Variants in WDR93 observed in about 807,000 individuals in gnomAD.
WDR93 encodes the protein WD repeat-containing protein 93.
In WDR93, 73 loss-of-function variants were observed where a neutral mutation model predicts 82.9. The ratio of observed to expected loss-of-function variants is 0.88; its 90% confidence interval spans 0.73 to 1.07. WDR93 has a LOEUF of 1.07. Among genes scored for constraint, WDR93 ranks in the 50% least tolerant of loss-of-function variants. WDR93 has a pLI of 0.00. For synonymous variants in WDR93, 283 were observed against 300.1 expected (o/e 0.94, Z 0.59); for missense variants, 738 against 826.0 (o/e 0.89, Z 1.31).
chr15:89,736,997 T>C (rs906503548), intron 14 of WDR93, among the ~76,000 whole-genome samples: 11 of 152,170 alleles, frequency 7.2e-5, no homozygotes, highest in Non-Finnish European at 1.5e-4. Flanking sequence ...TTCACCGTGT[T>C]AGCCAGGATG....
intron 4 of WDR93, among the ~76,000 whole-genome samples, chr15:89,709,679 T>C (rs1205110228): frequency 1.3e-5 from 2 of 152,112 alleles, no homozygotes; most frequent in Non-Finnish European, 2.9e-5. Flanking sequence ...CTTGAACTCC[T>C]GGACCCAAGC....
chr15:89,735,122 C>T (rs561834099), intron 13 of WDR93, among the ~76,000 whole-genome samples: 1 of 152,162 alleles, frequency 6.6e-6, no homozygotes, highest in East Asian at 1.9e-4. Context: ...GCTCAAAGTG[C>T]TGGGCCCCCA....
intron 14 of WDR93, among the ~76,000 whole-genome samples, 193 bp from the exon 15 acceptor site, chr15:89,737,380 T>C (rs1281956595): frequency 6.6e-6 from 1 of 152,144 alleles, no homozygotes; most frequent in Non-Finnish European, 1.5e-5. Context: ...GGAGGGTCTG[T>C]TGGCTGAGGG....
chr15:89,702,165 A>AT (rs1171606732), intron 2 of WDR93, 116 bp downstream of exon 2: 1 of 1,187,760 alleles, frequency 8.4e-7, no homozygotes, highest in East Asian at 2.5e-5. Context: ...AAGTCAGTGC[A>AT]TTTTTGAAAG....
At chr15:89,742,517 T>A (rs781094666) in intron 16 of WDR93, among the ~76,000 whole-genome samples, 8 of 152,152 alleles carry the variant, frequency 5.3e-5, no homozygotes, top group Non-Finnish European at 8.8e-5. Flanking sequence ...ACTTATTATT[T>A]TTTTTTAAAC....
At chr15:89,700,749 A>C (rs1965420904) in intron 1 of WDR93, among the ~76,000 whole-genome samples, 1 of 139,534 alleles carries the variant, frequency 7.2e-6, no homozygotes, top group Non-Finnish European at 1.5e-5. Context: ...TATAGATGGG[A>C]TCTTGCTATG....
At chr15:89,700,039 C>A (rs1040649706) in intron 1 of WDR93, among the ~76,000 whole-genome samples, 1 of 152,088 alleles carries the variant, frequency 6.6e-6, no homozygotes, top group Non-Finnish European at 1.5e-5. Context: ...TTTTTACATT[C>A]CTCTAAATAT....
chr15:89,715,399 CT>C (rs1567111889), intron 6 of WDR93, among the ~76,000 whole-genome samples: 1 of 152,118 alleles, frequency 6.6e-6, no homozygotes, highest in Non-Finnish European at 1.5e-5. Flanking sequence ...CACTGGTAAT[CT>C]TTTTTTCCCT....
At chr15:89,693,351 G>C (rs1372002558) in intron 1 of WDR93, among the ~76,000 whole-genome samples, 2 of 152,212 alleles carry the variant, frequency 1.3e-5, no homozygotes, top group Admixed American at 6.5e-5. Flanking sequence ...CTGTTTGCCT[G>C]TTGGTGGACA....
intron 9 of WDR93, among the ~76,000 whole-genome samples, chr15:89,728,678 CT>C (rs1015974155): frequency 5.9e-5 from 9 of 152,290 alleles, no homozygotes; most frequent in Middle Eastern, 3.4e-3. Flanking sequence ...TGTATTGCCC[CT>C]GGGATAAGAG....
intron 9 of WDR93, 74 bp from the exon 10 acceptor site, chr15:89,728,949 G>A: frequency 7.4e-7 from 1 of 1,348,460 alleles, no homozygotes; most frequent in Admixed American, 1.7e-5. Context: ...CTGGTTTTAG[G>A]ACCAAGACTC....
chr15:89,726,413 T>C (rs551539550), intron 8 of WDR93, among the ~76,000 whole-genome samples: 4 of 152,168 alleles, frequency 2.6e-5, no homozygotes, highest in Non-Finnish European at 5.9e-5. Context: ...TATCATACGA[T>C]ATTATGTGTT....
At chr15:89,701,097 C>T (rs887764780) in intron 1 of WDR93, among the ~76,000 whole-genome samples, 1 of 152,026 alleles carries the variant, frequency 6.6e-6, no homozygotes, top group African/African-American at 2.4e-5. Context: ...ATCTGTGGCA[C>T]AGATAGAAGT....
chr15:89,701,660 C>T (rs1467253882), intron 1 of WDR93, 47 bp from the exon 2 acceptor site: 1 of 1,477,766 alleles, frequency 6.8e-7, no homozygotes, highest in Admixed American at 2.0e-5. Context: ...GCTATCTTCT[C>T]ATTGCTTCCT....
At chr15:89,698,354 G>A (rs1470874404) in intron 1 of WDR93, among the ~76,000 whole-genome samples, 4 of 152,132 alleles carry the variant, frequency 2.6e-5, no homozygotes, top group Non-Finnish European at 5.9e-5. Context: ...TAATATTTAA[G>A]TGGGGTTTTT....
intron 12 of WDR93, 61 bp from the exon 13 acceptor site, chr15:89,732,945 G>C: frequency 1.3e-6 from 2 of 1,512,276 alleles, no homozygotes; most frequent in Non-Finnish European, 1.8e-6. Flanking sequence ...CACAGCCCCT[G>C]TGCCCATGGC....
intron 5 of WDR93, 64 bp downstream of exon 5, chr15:89,712,168 G>T: frequency 7.6e-7 from 1 of 1,319,824 alleles, no homozygotes; most frequent in Non-Finnish European, 1.1e-6. Context: ...CCAAATGATT[G>T]CTTTTGTCCC....
At chr15:89,726,124 G>A (rs1262970886) in intron 8 of WDR93, among the ~76,000 whole-genome samples, 1 of 152,184 alleles carries the variant, frequency 6.6e-6, no homozygotes, top group African/African-American at 2.4e-5. Flanking sequence ...AGCTGCATCA[G>A]ACTCATTTGG....
chr15:89,743,233 G>C, intron 16 of WDR93, 59 bp from the exon 17 acceptor site: 1 of 1,577,774 alleles, frequency 6.3e-7, no homozygotes. Flanking sequence ...CTGCCCTGGG[G>C]GCTCGGGAGC....
Sources: gnomAD v4.1 joint callset for allele counts (sites outside exome capture counted in the v4.1 genomes callset) on GRCh38, gnomAD v4.1.1 for gene constraint, MANE v1.5 for transcripts, NCBI Gene and HGNC (gene_info 2026-07-23, HGNC 2026-07-21) for gene names.